The following COL25A1 variants were observed in gnomAD, a reference collection of about 807,000 sequenced individuals.
COL25A1 encodes the protein collagen alpha-1(XXV) chain.
Under a neutral mutation model 128.4 loss-of-function variants are expected in COL25A1, and 103 were observed. The observed-to-expected ratio is 0.80, with a 90% CI of 0.68 to 0.94. COL25A1 has a LOEUF of 0.94. COL25A1 is among the 40% of genes least tolerant of loss of function. The pLI, the probability that COL25A1 is intolerant of heterozygous loss-of-function variation, is 0.00. For missense variants in COL25A1, 745 were observed against 840.0 expected, an observed-to-expected ratio of 0.89 and a Z score of 1.40; for synonymous variants, 279 against 277.2, an observed-to-expected ratio of 1.01 and a Z score of -0.06.
intron 3 of COL25A1, among the ~76,000 whole-genome samples, chr4:109,157,590 T>G (rs1297157155): frequency 6.6e-6 from 1 of 152,230 alleles, no homozygotes; most frequent in East Asian, 1.9e-4. Flanking sequence ...TGATAATCAC[T>G]TCTCTTAAGG....
At chr4:109,069,868 C>T (rs930144956) in intron 3 of COL25A1, among the ~76,000 whole-genome samples, 1 of 151,996 alleles carries the variant, frequency 6.6e-6, no homozygotes, top group Non-Finnish European at 1.5e-5. Context: ...TAAGCATATG[C>T]TACTTACCTT....
chr4:108,904,738 T>C (rs568894321), intron 13 of COL25A1, among the ~76,000 whole-genome samples: 4 of 152,206 alleles, frequency 2.6e-5, no homozygotes, highest in African/African-American at 9.6e-5. Context: ...TAGATGGTAA[T>C]GAAGAAAAAC....
At chr4:109,255,246 C>T (rs113825757) in intron 3 of COL25A1, among the ~76,000 whole-genome samples, 4 of 152,142 alleles carry the variant, frequency 2.6e-5, no homozygotes, top group African/African-American at 9.6e-5. Context: ...AAAATAGTAC[C>T]CTTGTAATTT....
intron 3 of COL25A1, among the ~76,000 whole-genome samples, chr4:109,094,516 G>A: frequency 6.6e-6 from 1 of 152,074 alleles, no homozygotes; most frequent in South Asian, 2.1e-4. Flanking sequence ...AGAATGTGTG[G>A]TTTTATATTT....
chr4:109,193,581 A>G (rs1421531889), intron 3 of COL25A1, among the ~76,000 whole-genome samples: 1 of 152,144 alleles, frequency 6.6e-6, no homozygotes, highest in African/African-American at 2.4e-5. Flanking sequence ...TAACCACAAA[A>G]ACCATCTGGT....
chr4:108,910,365 A>G (rs986881901), intron 13 of COL25A1, among the ~76,000 whole-genome samples: 2 of 152,226 alleles, frequency 1.3e-5, no homozygotes, highest in Admixed American at 6.5e-5. Context: ...AGGTTTCTGA[A>G]TCATTGAGGT....
chr4:108,816,132 C>A (rs1731227519), intron 37 of COL25A1, among the ~76,000 whole-genome samples: 1 of 152,100 alleles, frequency 6.6e-6, no homozygotes, highest in African/African-American at 2.4e-5. Flanking sequence ...ACCCATTTGA[C>A]CCTGTGTGTG....
chr4:109,287,597 A>G (rs940912066), intron 3 of COL25A1, among the ~76,000 whole-genome samples: 1 of 152,138 alleles, frequency 6.6e-6, no homozygotes, highest in Non-Finnish European at 1.5e-5. Context: ...ATGAAGATAA[A>G]TATTTCCCTA....
At chr4:109,247,582 T>G (rs1780356179) in intron 3 of COL25A1, among the ~76,000 whole-genome samples, 1 of 152,120 alleles carries the variant, frequency 6.6e-6, no homozygotes. Context: ...CAATGAATGT[T>G]AGAATCATAG....
intron 3 of COL25A1, among the ~76,000 whole-genome samples, chr4:109,118,834 G>T (rs1767847100): frequency 1.3e-5 from 2 of 151,842 alleles, no homozygotes; most frequent in Admixed American, 1.3e-4. Flanking sequence ...ACAGAAAATC[G>T]ATGAACTCAA....
intron 6 of COL25A1, among the ~76,000 whole-genome samples, chr4:109,007,780 A>G (rs1168087668): frequency 6.8e-6 from 1 of 146,284 alleles, no homozygotes; most frequent in East Asian, 2.1e-4. Context: ...GCCATAGTAA[A>G]TATAGGACCT....
intron 3 of COL25A1, among the ~76,000 whole-genome samples, chr4:109,285,702 T>G (rs954713089): frequency 6.6e-6 from 1 of 152,154 alleles, no homozygotes; most frequent in African/African-American, 2.4e-5. Flanking sequence ...TTTTATAAAC[T>G]TACTATTTAA....
intron 3 of COL25A1, among the ~76,000 whole-genome samples, chr4:109,164,074 G>C (rs1445903146): frequency 1.3e-5 from 2 of 152,026 alleles, no homozygotes; most frequent in East Asian, 3.9e-4. Flanking sequence ...TTATGGAAGA[G>C]AATGCTATGT....
intron 3 of COL25A1, among the ~76,000 whole-genome samples, chr4:109,189,547 CAAAAAAAAAAAAAAA>C (rs33989375): frequency 1.9e-5 from 1 of 53,606 alleles, no homozygotes; most frequent in Non-Finnish European, 3.9e-5. Flanking sequence ...GACTCCATCT[CAAAAAAAAAAAAAAA>C]AAAAAAAAGA....
At chr4:108,882,066 T>C (rs538450203) in intron 19 of COL25A1, among the ~76,000 whole-genome samples, 2 of 152,216 alleles carry the variant, frequency 1.3e-5, no homozygotes, top group African/African-American at 2.4e-5. Flanking sequence ...CATCTGGCCA[T>C]TTCCTAAGAC....
intron 3 of COL25A1, among the ~76,000 whole-genome samples, chr4:109,280,272 T>C (rs17306240): frequency 0.09 from 13,682 of 152,220 alleles, 866 homozygotes; most frequent in Middle Eastern, 0.21. Flanking sequence ...TTTTAAAAAT[T>C]ACACATCCAT....
intron 35 of COL25A1, among the ~76,000 whole-genome samples, chr4:108,821,364 G>A (rs747106520): frequency 1.3e-5 from 2 of 152,176 alleles, no homozygotes; most frequent in African/African-American, 2.4e-5. Flanking sequence ...GAAGTAAGAT[G>A]GGAAGAACAT....
At chr4:108,974,089 A>G (rs765655769) in intron 8 of COL25A1, among the ~76,000 whole-genome samples, 1 of 152,232 alleles carries the variant, frequency 6.6e-6, no homozygotes, top group East Asian at 1.9e-4. Context: ...GTCACGGGAA[A>G]GGTGGCTGCT....
intron 3 of COL25A1, among the ~76,000 whole-genome samples, chr4:109,243,238 C>T (rs1033893901): frequency 2.6e-5 from 4 of 151,946 alleles, no homozygotes; most frequent in Non-Finnish European, 5.9e-5. Context: ...GTATAACCTT[C>T]AAGTTGAGTC....
Sources: allele counts gnomAD v4.1 joint callset (sites outside exome capture counted in the v4.1 genomes callset), GRCh38; gene constraint gnomAD v4.1.1; transcripts MANE v1.5; gene names NCBI Gene and HGNC (gene_info 2026-07-23, HGNC 2026-07-21).